Variants in IL1RAPL2 observed in about 807,000 individuals in gnomAD.
The protein encoded by IL1RAPL2 is X-linked interleukin-1 receptor accessory protein-like 2.
In IL1RAPL2, 3 loss-of-function variants were observed where a neutral mutation model predicts 44.1. That is an observed-to-expected ratio of 0.07 (90% confidence interval 0.03 to 0.18). IL1RAPL2 has a LOEUF of 0.18. IL1RAPL2 is among the 10% of genes least tolerant of loss of function. The pLI, the probability that IL1RAPL2 is intolerant of heterozygous loss-of-function variation, is 1.00. For missense variants in IL1RAPL2, 391 were observed against 496.4 expected (o/e 0.79, Z 2.02); for synonymous variants, 181 against 178.8 (o/e 1.01, Z -0.10).
At chrX:105,766,213 T>C (rs180847742) in intron 10 of IL1RAPL2, among the ~76,000 whole-genome samples, 2 of 112,077 alleles carry the variant, frequency 1.8e-5, no homozygotes, top group African/African-American at 6.5e-5. Context: ...ACTCCTTCAC[T>C]GTTCATTTCA....
chrX:105,158,030 A>G (rs771929655), intron 2 of IL1RAPL2, among the ~76,000 whole-genome samples: 5 of 112,106 alleles, frequency 4.5e-5, no homozygotes, highest in African/African-American at 6.5e-5. Context: ...TGTTTTTTAC[A>G]TCTTAACCTT....
chrX:105,585,368 TTTTAA>T (rs1048180514), intron 6 of IL1RAPL2, among the ~76,000 whole-genome samples: 2 of 110,545 alleles, frequency 1.8e-5, no homozygotes, highest in Non-Finnish European at 3.8e-5. Flanking sequence ...TACTTTTTTT[TTTTAA>T]TTTAAGTTCT....
At chrX:105,457,391 G>A (rs2036063718) in intron 5 of IL1RAPL2, among the ~76,000 whole-genome samples, 1 of 110,098 alleles carries the variant, frequency 9.1e-6, no homozygotes, top group African/African-American at 3.3e-5. Context: ...GCACCCATTA[G>A]ATAATAACTT....
At chrX:105,358,253 G>GT (rs1275396148) in intron 5 of IL1RAPL2, among the ~76,000 whole-genome samples, 20 of 106,407 alleles carry the variant, frequency 1.9e-4, no homozygotes, top group African/African-American at 5.8e-4. Flanking sequence ...CACCTTATAT[G>GT]TTTTTTTTCC....
chrX:104,906,828 G>A (rs1342167926), intron 2 of IL1RAPL2, among the ~76,000 whole-genome samples: 4 of 112,010 alleles, frequency 3.6e-5, no homozygotes, highest in African/African-American at 6.5e-5. Context: ...CATAAAATGA[G>A]TTAGGGAGGA....
At chrX:105,272,949 A>T (rs956421715) in intron 5 of IL1RAPL2, among the ~76,000 whole-genome samples, 2 of 111,625 alleles carry the variant, frequency 1.8e-5, no homozygotes, top group African/African-American at 6.5e-5. Flanking sequence ...TAGTTTATTT[A>T]TCCTTCTACT....
At chrX:105,517,083 A>G (rs1323063476) in intron 6 of IL1RAPL2, among the ~76,000 whole-genome samples, 1 of 111,683 alleles carries the variant, frequency 9.0e-6, no homozygotes, top group Non-Finnish European at 1.9e-5. Context: ...AGAAATCAAA[A>G]GACAGGTGTG....
chrX:104,862,379 C>CTG (rs1239101268), intron 2 of IL1RAPL2, among the ~76,000 whole-genome samples: 1 of 110,156 alleles, frequency 9.1e-6, no homozygotes, highest in African/African-American at 3.3e-5. Flanking sequence ...CAGAATGTGA[C>CTG]TGTATTTCTA....
intron 2 of IL1RAPL2, among the ~76,000 whole-genome samples, chrX:104,923,519 A>G (rs1924696183): frequency 8.9e-6 from 1 of 112,218 alleles, no homozygotes; most frequent in Middle Eastern, 4.6e-3. Flanking sequence ...TCCTTAAATG[A>G]AAAATATGCC....
intron 2 of IL1RAPL2, among the ~76,000 whole-genome samples, chrX:104,761,244 G>C (rs1438235862): frequency 1.8e-5 from 2 of 111,347 alleles, no homozygotes; most frequent in Non-Finnish European, 3.8e-5. Context: ...CATGGTGGAA[G>C]GGGAAGCAAA....
chrX:104,853,588 A>T (rs751265556), intron 2 of IL1RAPL2, among the ~76,000 whole-genome samples: 25 of 108,498 alleles, frequency 2.3e-4, no homozygotes, highest in South Asian at 4.1e-4. Context: ...GAAGAGCATG[A>T]CTTAGTTTGT....
chrX:104,632,515 C>T (rs1349242650), intron 1 of IL1RAPL2, among the ~76,000 whole-genome samples: 1 of 109,991 alleles, frequency 9.1e-6, no homozygotes, highest in East Asian at 2.8e-4. Context: ...TCTTTTATTT[C>T]CTTGAGCAGT....
chrX:104,637,594 G>A (rs187269299), intron 1 of IL1RAPL2, among the ~76,000 whole-genome samples: 414 of 108,773 alleles, frequency 3.8e-3, no homozygotes, highest in African/African-American at 0.013. Context: ...TGTTTTTTTC[G>A]TTCATGTGCT....
intron 5 of IL1RAPL2, among the ~76,000 whole-genome samples, chrX:105,329,156 A>AG (rs2034965989): frequency 1.8e-5 from 2 of 112,431 alleles, no homozygotes; most frequent in South Asian, 3.7e-4. Context: ...CAGAACTGAT[A>AG]CATTGTTGAG....
intron 5 of IL1RAPL2, among the ~76,000 whole-genome samples, chrX:105,395,515 G>T (rs1033430435): frequency 3.6e-5 from 4 of 110,711 alleles, no homozygotes; most frequent in Non-Finnish European, 7.6e-5. Context: ...GATGTATAGA[G>T]CCCTGGAAAA....
intron 2 of IL1RAPL2, among the ~76,000 whole-genome samples, chrX:104,945,820 T>C (rs1294711203): frequency 8.9e-6 from 1 of 111,791 alleles, no homozygotes; most frequent in Non-Finnish European, 1.9e-5. Flanking sequence ...GATTCAGTAT[T>C]AGTCATGGGT....
intron 2 of IL1RAPL2, among the ~76,000 whole-genome samples, chrX:104,697,193 G>T (rs1931195815): frequency 1.8e-5 from 2 of 112,522 alleles, no homozygotes; most frequent in Admixed American, 9.4e-5. Flanking sequence ...TAAGTAAGCT[G>T]CCCTTGCATG....
rs142454916 is a variant in IL1RAPL2, at chrX:104,874,457, G to A, written c.82+215462G>A. 9.1e-3 allele frequency among the ~76,000 whole-genome samples: 989 copies of A among 108,787 alleles called. 7 individuals carry two copies. The highest frequency in any genetic ancestry group is 0.031 in the African/African-American group (933 of 29,874). The allele number at this position is 108,787 out of a possible 115,157, so 94.5% of individuals were successfully genotyped here. A position where few individuals can be genotyped will look rare whatever the true frequency, so the allele number is the denominator to read the frequency against. On this transcript the variant is annotated intron_variant, in intron 2 of 10. Transcript: ENST00000372582. ...GAGATTAGTTCCAATGGCAATGCTCGTCCTCTACCCACAATCAGGTCTACT... is the reference window on the plus strand; with the variant it reads ...GAGATTAGTTCCAATGGCAATGCTCATCCTCTACCCACAATCAGGTCTACT...
chrX:104,634,471 G>T (rs1237760477), intron 1 of IL1RAPL2, among the ~76,000 whole-genome samples: 1 of 111,145 alleles, frequency 9.0e-6, no homozygotes, highest in South Asian at 3.8e-4. Flanking sequence ...ATTATTGTGT[G>T]GGAATCTATG....
Sources: allele counts gnomAD v4.1 joint callset (sites outside exome capture counted in the v4.1 genomes callset), GRCh38; gene constraint gnomAD v4.1.1; transcripts MANE v1.5; gene names NCBI Gene and HGNC (gene_info 2026-07-23, HGNC 2026-07-21).